The following NALCN variants were observed in gnomAD, a reference collection of about 807,000 sequenced individuals.
NALCN encodes sodium leak channel, non-selective, also known as sodium leak channel NALCN.
A neutral mutation model predicts 225.3 loss-of-function variants in NALCN; 111 were observed. The ratio of observed to expected loss-of-function variants is 0.49; its 90% confidence interval spans 0.42 to 0.58. NALCN has a LOEUF of 0.58. Ranked by LOEUF, NALCN falls within the 20% of genes least tolerant of loss-of-function variation. The pLI is 0.00. For missense variants in NALCN, 1,378 were observed against 2,202.4 expected (o/e 0.63, Z 7.49); for synonymous variants, 764 against 769.0 (o/e 0.99, Z 0.11).
chr13:101,268,444 T>C (rs1421340508), intron 10 of NALCN, among the ~76,000 whole-genome samples: 1 of 152,220 alleles, frequency 6.6e-6, no homozygotes. Flanking sequence ...TGAAAACTCA[T>C]ACATTGATCA....
chr13:101,330,110 G>A (rs1325063471), intron 7 of NALCN, among the ~76,000 whole-genome samples: 1 of 151,200 alleles, frequency 6.6e-6, no homozygotes, highest in African/African-American at 2.4e-5. Flanking sequence ...TGGGCTTTAG[G>A]TCAATGTGTT....
intron 10 of NALCN, among the ~76,000 whole-genome samples, chr13:101,278,423 T>C (rs1376403224): frequency 6.7e-6 from 1 of 148,538 alleles, no homozygotes; most frequent in Non-Finnish European, 1.5e-5. Flanking sequence ...CTCTGGAGGC[T>C]GAGGCAGGAG....
chr13:101,056,353 C>T (rs2139377227), intron 43 of NALCN, among the ~76,000 whole-genome samples: 1 of 149,342 alleles, frequency 6.7e-6, no homozygotes, highest in African/African-American at 2.5e-5. Context: ...CTCTGCTTCC[C>T]AGGCTCAAGT....
intron 13 of NALCN, among the ~76,000 whole-genome samples, chr13:101,193,494 C>G (rs779323379): frequency 6.6e-6 from 1 of 152,102 alleles, no homozygotes; most frequent in Non-Finnish European, 1.5e-5. Context: ...TTCCACTTAT[C>G]CTTTGTCCAT....
intron 7 of NALCN, among the ~76,000 whole-genome samples, chr13:101,329,726 T>C (rs938139251): frequency 5.0e-4 from 76 of 152,104 alleles, no homozygotes; most frequent in Non-Finnish European, 7.2e-4. Context: ...ATTGCATCAT[T>C]ACATGGGAAT....
intron 6 of NALCN, among the ~76,000 whole-genome samples, chr13:101,368,166 A>C (rs1594750362): frequency 2.9e-5 from 3 of 104,150 alleles, no homozygotes; most frequent in African/African-American, 7.8e-5. Context: ...CCCCCACCCC[A>C]CAACAGTCCC....
At chr13:101,213,919 T>C (rs1292438296) in intron 13 of NALCN, among the ~76,000 whole-genome samples, 2 of 152,156 alleles carry the variant, frequency 1.3e-5, no homozygotes, top group African/African-American at 4.8e-5. Flanking sequence ...GAAATACCAT[T>C]TGACCCAGCC....
intron 26 of NALCN, among the ~76,000 whole-genome samples, 168 bp downstream of exon 26, chr13:101,103,004 T>C (rs111705292): frequency 0.012 from 1,859 of 152,272 alleles, 34 homozygotes; most frequent in African/African-American, 0.043. Context: ...GAAGTGCCCA[T>C]GAGTAAAGTG....
chr13:101,106,688 AG>A (rs1404722688), intron 22 of NALCN, among the ~76,000 whole-genome samples: 1 of 152,226 alleles, frequency 6.6e-6, no homozygotes, highest in African/African-American at 2.4e-5. Context: ...TGATTTTATG[AG>A]GGGTTTCTGC....
At position 101,343,007 on chromosome 13, in the gene NALCN, T is replaced by C. The variant is rs531486807; in HGVS notation, c.799+2259A>G. Among the ~76,000 whole-genome samples the C allele has an allele frequency of 5.3e-5, 8 of 152,284 alleles. No individual in the cohort carries two copies. The East Asian group carries it at 1.5e-3, about 29-fold the overall frequency. ...TCCTTTTTAACTAACCATAATTACT[T>C]ACATATTCAAGTATATTAGCCAAAT... On this transcript the variant is annotated intron_variant, in intron 7 of 43. Coordinates refer to ENST00000251127, the MANE Select transcript of NALCN (RefSeq NM_052867.4).
At position 101,124,816 on chromosome 13, in the gene NALCN, A is replaced by G. The variant is rs2036156547; in HGVS notation, c.2119-135T>C. On this transcript the variant is annotated intron_variant, in intron 17 of 43. Coordinates refer to ENST00000251127, the MANE Select transcript of NALCN (RefSeq NM_052867.4). The stretch of plus-strand genomic sequence containing the variant: ...CTAAAGCATCATCGTACAATTGACA[A>G]TTCTTGTCTATTTTTACTTTTATTT... 6 of 818,918 alleles carry G rather than the reference A, an allele frequency of 7.3e-6. No individual in the cohort carries two copies. In the East Asian group the frequency reaches 1.6e-4, roughly 21 times the overall value. 50.7% of individuals were successfully genotyped at this position (818,918 alleles called of 1,614,324 possible). A position where few individuals can be genotyped will look rare whatever the true frequency, so the allele number is the denominator to read the frequency against.
At chr13:101,313,841 G>A (rs1403056742) in intron 7 of NALCN, among the ~76,000 whole-genome samples, 1 of 152,024 alleles carries the variant, frequency 6.6e-6, no homozygotes, top group Non-Finnish European at 1.5e-5. Flanking sequence ...AAATCATGCT[G>A]CTATAAAGAC....
At chr13:101,279,485 A>G (rs2043074762) in intron 10 of NALCN, among the ~76,000 whole-genome samples, 1 of 152,252 alleles carries the variant, frequency 6.6e-6, no homozygotes, top group South Asian at 2.1e-4. Flanking sequence ...TTTCCATATT[A>G]ATTTTTTATG....
chr13:101,258,518 G>C lies in NALCN; in HGVS notation c.1191C>G (p.Asp397Glu). The C allele has an allele frequency of 6.2e-7, 1 of 1,614,126 alleles. No homozygotes were observed. Among genetic ancestry groups the C allele is most frequent in the Non-Finnish European group, 8.5e-7 (1 of 1,180,024 alleles). Residue 397 changes from aspartate (D) to glutamate (E), a missense_variant, in exon 11 of 44, where the codon GAC becomes GAG. This residue lies in a region of NALCN where 144 missense variants were observed against 187.7 expected (regional missense o/e 0.77). Coordinates refer to ENST00000251127, the MANE Select transcript of NALCN (RefSeq NM_052867.4). ...AGTAGTTGCTAGCCGCCACGATCAC[G>C]TCCACGGTCACCATGCTCAGGATGA... ...HMFILSMVTV[D>E]VIVAASNYYK...
intron 36 of NALCN, 132 bp downstream of exon 36, chr13:101,074,382 T>C: frequency 1.2e-6 from 1 of 803,202 alleles, no homozygotes; most frequent in Admixed American, 3.7e-5. Flanking sequence ...GGCTATTTTA[T>C]TTTAATTTCC....
At chr13:101,405,045 T>C (rs560037420) in intron 1 of NALCN, among the ~76,000 whole-genome samples, 1 of 152,360 alleles carries the variant, frequency 6.6e-6, no homozygotes, top group East Asian at 1.9e-4. Context: ...TTTCAAATGT[T>C]TTTATTTCTT....
intron 7 of NALCN, among the ~76,000 whole-genome samples, chr13:101,309,610 C>T (rs750675825): frequency 5.3e-5 from 8 of 152,128 alleles, no homozygotes; most frequent in Non-Finnish European, 1.0e-4. Context: ...AGTGTAATGC[C>T]TTGTGGTTTG....
At chr13:101,201,981 G>A (rs893940732) in intron 13 of NALCN, among the ~76,000 whole-genome samples, 5 of 152,092 alleles carry the variant, frequency 3.3e-5, no homozygotes, top group Admixed American at 3.3e-4. Context: ...TTCACTGAGT[G>A]CAAAAGTGAC....
rs1308464748 is a variant in NALCN at position 101,303,111 on chromosome 13, G to C, written c.800-10745C>G. ...AAAACACTGTTGATTTCCAGTTACTGACTTTCAGTGTGCTCAGCATTTTTC... is the reference window on the plus strand; with the variant it reads ...AAAACACTGTTGATTTCCAGTTACTCACTTTCAGTGTGCTCAGCATTTTTC... On this transcript the variant is annotated intron_variant, in intron 7 of 43. Transcript: ENST00000251127. 2.6e-5 allele frequency among the ~76,000 whole-genome samples: 4 copies of C among 152,072 alleles called. No homozygotes were observed. In the East Asian group the frequency reaches 5.8e-4, roughly 22 times the overall value.
Sources: allele counts gnomAD v4.1 joint callset (sites outside exome capture counted in the v4.1 genomes callset), GRCh38; gene constraint gnomAD v4.1.1; regional missense constraint gnomAD v4.1.1; transcripts MANE v1.5; gene names NCBI Gene and HGNC (gene_info 2026-07-23, HGNC 2026-07-21).